Variants in ATP4A observed in about 807,000 individuals in gnomAD.
ATP4A encodes the protein potassium-transporting ATPase alpha chain 1.
ATP4A carries 73 observed loss-of-function variants against 112.1 expected under a neutral mutation model. That is an observed-to-expected ratio of 0.65 (90% CI 0.54 to 0.79). The LOEUF (loss-of-function observed/expected upper bound fraction) is 0.79, where lower values mean the gene tolerates loss of function less well. Among genes scored for constraint, ATP4A ranks in the 30% least tolerant of loss-of-function variants. The pLI, the probability that ATP4A is intolerant of heterozygous loss-of-function variation, is 0.00. For synonymous variants in ATP4A, 588 were observed against 588.9 expected (o/e 1.00, Z 0.02); for missense variants, 1,081 against 1,425.9 (o/e 0.76, Z 3.90).
At chr19:35,552,484 C>G (rs924509416) in intron 18 of ATP4A, among the ~76,000 whole-genome samples, 2 of 152,292 alleles carry the variant, frequency 1.3e-5, no homozygotes, top group African/African-American at 4.8e-5. Flanking sequence ...GATATTCTCT[C>G]CACTTTGCAG....
Position 35,553,796 on chromosome 19 carries a change from C to T in ATP4A, c.2515G>A (p.Glu839Lys), listed in dbSNP as rs964585771. The stretch of plus-strand genomic sequence containing the variant: ...GGACGCAGGTGCATGATGTCACTCT[C>T]GGCCTTTTCATATGCCAGGGACACA... ...PSVSLAYEKA[E>K]SDIMHLRPRN... Residue 839 changes from glutamate to lysine, a missense_variant, in exon 17 of 22, where the codon GAG (glutamate) becomes AAG (lysine). Transcript: ENST00000262623. 4.4e-6 allele frequency: 7 copies of T among 1,598,560 alleles called. No individual in the cohort carries two copies. The highest frequency in any genetic ancestry group is 6.0e-6 in the Non-Finnish European group (7 of 1,172,720).
At position 35,557,059 on chromosome 19, in the gene ATP4A, C is replaced by G. The variant is rs2071635143; in HGVS notation, c.1723G>C (p.Asp575His). The change falls in exon 12 of 22, where the codon GAC becomes CAC. Residue 575 changes from aspartate (D) to histidine (H), a missense_variant. Physicochemically the swap from Asp to His is moderately conservative, Grantham distance 81. Coordinates refer to ENST00000262623, the MANE Select transcript of ATP4A (RefSeq NM_000704.3). The surrounding 1 kb of genome is among the most constrained non-coding windows in gnomAD (Gnocchi z 4.4). ...TCGAAGGCATAGCCAGGCGGGTAGTCCTTCTCATTCAGGTAGAGCTGGCAG... is the reference window on the plus strand; with the variant it reads ...TCGAAGGCATAGCCAGGCGGGTAGTGCTTCTCATTCAGGTAGAGCTGGCAG... The part of the protein sequence containing the change: ...GFCQLYLNEK[D>H]YPPGYAFDVE... The G allele has an allele frequency of 6.2e-7, 1 of 1,614,180 alleles. No homozygotes were observed. Among genetic ancestry groups the G allele is most frequent in the South Asian group, 1.1e-5 (1 of 91,084 alleles).
chr19:35,562,705 C>A (rs950881262), intron 3 of ATP4A, 67 bp from the exon 4 acceptor site: 15 of 1,459,924 alleles, frequency 1.0e-5, no homozygotes, highest in Non-Finnish European at 1.3e-5. Flanking sequence ...CCGTGGAAAG[C>A]CCCCTGCTTC....
rs1181985988 is a variant in ATP4A at position 35,559,228 on chromosome 19, C to T, written c.1057-37G>A. 1 of 1,604,382 alleles carries T rather than the reference C, an allele frequency of 6.2e-7. No homozygotes were observed. The highest frequency in any genetic ancestry group is 2.2e-5 in the East Asian group (1 of 44,826). ...GTGAGCACCGCAGGCTGGGGACCCA[C>T]CCTGGCTTCCAGTCCTCTTCCCCGC... is the stretch of plus-strand genomic sequence containing the variant. On this transcript the variant is annotated intron_variant, in intron 7 of 21. Transcript: ENST00000262623. The surrounding 1 kb of genome is among the most constrained non-coding windows in gnomAD (Gnocchi z 4.1).
chr19:35,556,978 T>C lies in ATP4A; in HGVS notation c.1804A>G (p.Met602Val), dbSNP rs759126953. The change falls in exon 12 of 22, where the codon ATG (methionine) becomes GTG (valine). Residue 602 changes from methionine (M) to valine (V), a missense_variant. By Grantham distance (21) the Met-to-Val change is conservative. This residue lies in a region of ATP4A where 850 missense variants were observed against 1,068.2 expected (regional missense o/e 0.80). Coordinates refer to ENST00000262623, the MANE Select transcript of ATP4A (RefSeq NM_000704.3). ...SGLCFAGLVSMIDPPRATVPD... is the reference protein window; with the variant it reads ...SGLCFAGLVSVIDPPRATVPD... The stretch of plus-strand genomic sequence containing the variant: ...ACGGTGGCCCGGGGTGGGTCAATCA[T>C]GGATACAAGTCCCGCAAAGCAGAGG... The C allele has an allele frequency of 3.7e-6, 6 of 1,614,034 alleles. No individual in the cohort carries two copies. Among genetic ancestry groups the C allele is most frequent in the Admixed American group, 1.7e-5 (1 of 60,000 alleles).
In ATP4A at chr19:35,553,039, A is replaced by G. The variant is rs1462194390; in HGVS notation, c.2749T>C (p.Trp917Arg). The change falls in exon 18 of 22, where the codon TGG becomes CGG. Residue 917 changes from tryptophan to arginine, a missense_variant and splice_region_variant. This residue lies in a region of ATP4A where 219 missense variants were observed against 320.9 expected (regional missense o/e 0.68). Coordinates refer to ENST00000262623, the MANE Select transcript of ATP4A (RefSeq NM_000704.3). ...GGATGGGGCGGGGCAGGGCTCACCC[A>G]CTCCTGGCCGTAGCTGTCCTGCAGA... ...QDLQDSYGQE[W>R]TFGQRLYQQY... 6.3e-7 allele frequency: 1 copy of G among 1,595,698 alleles called. No homozygotes were observed. Among genetic ancestry groups the G allele is most frequent in the Non-Finnish European group, 8.6e-7 (1 of 1,165,838 alleles).
chr19:35,551,604 ACAGCCTGAGTC>A lies in ATP4A; in HGVS notation c.2752-35_2752-25del, dbSNP rs762828458. ...GTCTGCAGGCCAGGGGCAAACGGAAACAGCCTGAGTCCAGCCTGAGTCCCGGCGGAGAGCCT... is the reference window on the plus strand; with the variant it reads ...GTCTGCAGGCCAGGGGCAAACGGAAACAGCCTGAGTCCCGGCGGAGAGCCT... On this transcript the variant is annotated intron_variant, in intron 18 of 21. Transcript: ENST00000262623. This position sits in a 1 kb window ranked among gnomAD's most constrained non-coding sequence, Gnocchi z 5.2. 31 of 1,606,504 alleles carry A rather than the reference ACAGCCTGAGTC, an allele frequency of 1.9e-5. No individual in the cohort carries two copies. The East Asian group carries it at 2.7e-4, about 14-fold the overall frequency.
Position 35,559,989 on chromosome 19 carries a change from T to C in ATP4A, c.872A>G (p.Glu291Gly), listed in dbSNP as rs751678328. Residue 291 changes from glutamate (E) to glycine (G), a missense_variant, in exon 7 of 22, where the codon GAG becomes GGG. Glu to Gly is a moderately conservative substitution (Grantham distance 98). Coordinates refer to ENST00000262623, the MANE Select transcript of ATP4A (RefSeq NM_000704.3). The surrounding 1 kb of genome is among the most constrained non-coding windows in gnomAD (Gnocchi z 4.1). The part of the protein sequence containing the change: ...IASLASGVEN[E>G]KTPIAIEIEH... ...GATCTCGATAGCGATGGGTGTCTTC[T>C]CGTTTTCCACCCCCGACGCCAGCGA... The C allele has an allele frequency of 6.2e-7, 1 of 1,614,228 alleles. No homozygotes were observed. The highest frequency in any genetic ancestry group is 8.5e-7 in the Non-Finnish European group (1 of 1,180,038).
In ATP4A at chr19:35,557,077, G is replaced by C. The variant is rs1373718707; in HGVS notation, c.1705C>G (p.Leu569Val). The C allele has an allele frequency of 1.2e-6, 2 of 1,614,086 alleles. No individual in the cohort carries two copies. Among genetic ancestry groups the C allele is most frequent in the Non-Finnish European group, 1.7e-6 (2 of 1,180,054 alleles). Residue 569 changes from leucine (L) to valine (V), a missense_variant, in exon 12 of 22, where the codon CTC becomes GTC. Around this residue, in one of 3 missense-constraint regions of ATP4A, gnomAD observed 850 missense variants for 1,068.2 expected, o/e 0.80. Transcript: ENST00000262623. This position sits in a 1 kb window ranked among gnomAD's most constrained non-coding sequence, Gnocchi z 4.4. Reference sequence around the variant, plus strand: ...GGGTAGTCCTTCTCATTCAGGTAGAGCTGGCAGAAGCCTGACCGGAAACGG... The same window carrying C: ...GGGTAGTCCTTCTCATTCAGGTAGACCTGGCAGAAGCCTGACCGGAAACGG... ...LGERVLGFCQ[L>V]YLNEKDYPPG... is the part of the protein sequence containing the mutation.
At chr19:35,553,851 T>C in intron 16 of ATP4A, 22 bp from the exon 17 acceptor site, 1 of 1,554,734 alleles carries the variant, frequency 6.4e-7, no homozygotes, top group South Asian at 1.2e-5. Context: ...TGGAAGGAAC[T>C]GGGACTGAGG....
chr19:35,560,113 G>A lies in ATP4A; in HGVS notation c.788-40C>T. 1.9e-6 allele frequency: 3 copies of A among 1,608,052 alleles called. No homozygotes were observed. Among genetic ancestry groups the A allele is most frequent in the Non-Finnish European group, 2.5e-6 (3 of 1,177,276 alleles). ...AGGCGCGACTCAGGGATAGGGGGCG[G>A]CAGTGGGGTGTGCACTGCCGTGTGA... On this transcript the variant is annotated intron_variant, in intron 6 of 21. Transcript: ENST00000262623. This position sits in a 1 kb window ranked among gnomAD's most constrained non-coding sequence, Gnocchi z 5.1.
Position 35,560,026 on chromosome 19 carries a change from C to G in ATP4A, c.835G>C (p.Gly279Arg). 6.2e-7 allele frequency: 1 copy of G among 1,614,234 alleles called. No homozygotes were observed. Among genetic ancestry groups the G allele is most frequent in the Non-Finnish European group, 8.5e-7 (1 of 1,180,040 alleles). The stretch of plus-strand genomic sequence containing the variant: ...CCCGACGCCAGCGATGCGATGCGCC[C>G]AATGATGGTGCGGTCGCCCGTGTTC... Reference protein sequence around the residue: ...VVNTGDRTIIGRIASLASGVE... With the variant: ...VVNTGDRTIIRRIASLASGVE... Residue 279 changes from glycine to arginine, a missense_variant, in exon 7 of 22, where the codon GGG (glycine) becomes CGG (arginine). This residue lies in a region of ATP4A where 850 missense variants were observed against 1,068.2 expected (regional missense o/e 0.80). Transcript: ENST00000262623. This position sits in a 1 kb window ranked among gnomAD's most constrained non-coding sequence, Gnocchi z 5.1.
rs777723789 is a variant in ATP4A, at chr19:35,555,043, A to G, written c.2360T>C (p.Ile787Thr). ...GATGTTCTTGGTCAATGTGTAGGCA[A>G]TAGACTTCTTCAGGTTGTCGAAGAT... ...RLIFDNLKKS[I>T]AYTLTKNIPE... Residue 787 changes from isoleucine to threonine, a missense_variant, in exon 16 of 22, where the codon ATT (isoleucine) becomes ACT (threonine). Transcript: ENST00000262623. This position sits in a 1 kb window ranked among gnomAD's most constrained non-coding sequence, Gnocchi z 6.6. 46 of 1,613,834 alleles carry G rather than the reference A, an allele frequency of 2.9e-5. No individual in the cohort carries two copies. Among genetic ancestry groups the G allele is most frequent in the Non-Finnish European group, 3.8e-5 (45 of 1,179,932 alleles).
chr19:35,553,318 A>C, intron 17 of ATP4A, 136 bp from the exon 18 acceptor site: 1 of 1,021,868 alleles, frequency 9.8e-7, no homozygotes, highest in Non-Finnish European at 1.4e-6. Context: ...GGGAAGAGAG[A>C]CAGGGACACA....
At chr19:35,553,678 C>T in intron 17 of ATP4A, 28 bp downstream of exon 17, 1 of 1,611,080 alleles carries the variant, frequency 6.2e-7, no homozygotes, top group African/African-American at 1.3e-5. Context: ...CCCCCCACCT[C>T]CAGGCTCCCC....
At position 35,563,524 on chromosome 19, in the gene ATP4A, TCTC is replaced by T; in HGVS notation, c.13_15del (p.Glu5del). The T allele has an allele frequency of 6.2e-7, 1 of 1,613,908 alleles. No individual in the cohort carries two copies. The highest frequency in any genetic ancestry group is 8.5e-7 in the Non-Finnish European group (1 of 1,179,954). On this transcript the variant is annotated inframe_deletion and splice_region_variant, in exon 2 of 22. Coordinates refer to ENST00000262623, the MANE Select transcript of ATP4A (RefSeq NM_000704.3). ...AGCTCCACCGAGTAGAGCTCATAGT[TCTC>T]CTGGGAATGGACAGGATGGAGGGAG...
Position 35,556,960 on chromosome 19 carries a change from C to G in ATP4A, c.1822G>C (p.Ala608Pro). Residue 608 changes from alanine to proline, a missense_variant, in exon 12 of 22, where the codon GCC becomes CCC. By Grantham distance (27) the Ala-to-Pro change is conservative. Coordinates refer to ENST00000262623, the MANE Select transcript of ATP4A (RefSeq NM_000704.3). The part of the protein sequence containing the change: ...GLVSMIDPPR[A>P]TVPDAVLKCR... ...TTGAGCACAGCATCAGGGACGGTGGCCCGGGGTGGGTCAATCATGGATACA... is the reference window on the plus strand; with the variant it reads ...TTGAGCACAGCATCAGGGACGGTGGGCCGGGGTGGGTCAATCATGGATACA... 1.2e-6 allele frequency: 2 copies of G among 1,614,164 alleles called. No homozygotes were observed. Among genetic ancestry groups the G allele is most frequent in the South Asian group, 1.1e-5 (1 of 91,090 alleles).
At chr19:35,563,063 T>G in intron 3 of ATP4A, 146 bp downstream of exon 3, 1 of 848,846 alleles carries the variant, frequency 1.2e-6, no homozygotes, top group Admixed American at 2.3e-5. Context: ...TCTTTCCTTT[T>G]CTGCCTCCCT....
chr19:35,561,082 C>A (rs1252536396), intron 4 of ATP4A, 150 bp from the exon 5 acceptor site: 2 of 644,644 alleles, frequency 3.1e-6, no homozygotes, highest in Non-Finnish European at 5.5e-6. Context: ...TCCCTGTAGC[C>A]TTTAGCCCCC....
Sources: allele counts gnomAD v4.1 joint callset (sites outside exome capture counted in the v4.1 genomes callset), GRCh38; gene constraint gnomAD v4.1.1; regional missense constraint gnomAD v4.1.1; non-coding constraint Gnocchi (gnomAD v3.1); transcripts MANE v1.5; gene names NCBI Gene and HGNC (gene_info 2026-07-23, HGNC 2026-07-21).